The following PIK3C2A variants were observed in gnomAD, a reference collection of about 807,000 sequenced individuals.
PIK3C2A encodes the protein phosphatidylinositol 4-phosphate 3-kinase C2 domain-containing subunit alpha.
Under a neutral mutation model 204.5 loss-of-function variants are expected in PIK3C2A, and 97 were observed. The ratio of observed to expected loss-of-function variants is 0.47; its 90% CI spans 0.40 to 0.56. The LOEUF (loss-of-function observed/expected upper bound fraction) is 0.56. PIK3C2A is among the 20% of genes least tolerant of loss of function. The pLI is 0.00. For missense variants in PIK3C2A, 1,735 were observed against 1,969.2 expected (o/e 0.88, Z 2.25); for synonymous variants, 653 against 664.4 (o/e 0.98, Z 0.26).
chr11:17,098,165 T>C (rs993101779), intron 26 of PIK3C2A, among the ~76,000 whole-genome samples: 1 of 152,226 alleles, frequency 6.6e-6, no homozygotes, highest in Admixed American at 6.5e-5. Context: ...AAAAGAGAAG[T>C]GAGAGAATCT....
chr11:17,171,791 G>C (rs1263730775), intron 1 of PIK3C2A, among the ~76,000 whole-genome samples: 1 of 152,166 alleles, frequency 6.6e-6, no homozygotes, highest in African/African-American at 2.4e-5. Context: ...TTGTCGTTTA[G>C]AGATGGGGGA....
At chr11:17,132,602 T>C (rs1423504337) in intron 11 of PIK3C2A, among the ~76,000 whole-genome samples, 1 of 152,158 alleles carries the variant, frequency 6.6e-6, no homozygotes, top group Non-Finnish European at 1.5e-5. Flanking sequence ...GTGCTGGGAT[T>C]ACAGGCGTGA....
At chr11:17,195,764 G>C (rs1392811798) in intron 1 of PIK3C2A, among the ~76,000 whole-genome samples, 1 of 145,786 alleles carries the variant, frequency 6.9e-6, no homozygotes, top group Non-Finnish European at 1.5e-5. Context: ...AAGGAGCCCC[G>C]CGCGCTGGCT....
At chr11:17,183,718 A>G (rs1036203589) in intron 1 of PIK3C2A, among the ~76,000 whole-genome samples, 2 of 152,064 alleles carry the variant, frequency 1.3e-5, no homozygotes, top group African/African-American at 4.8e-5. Context: ...ATCGTAAGTT[A>G]TGTACATATA....
chr11:17,190,843 G>T (rs1042428754), intron 1 of PIK3C2A, among the ~76,000 whole-genome samples: 1 of 152,016 alleles, frequency 6.6e-6, no homozygotes, highest in African/African-American at 2.4e-5. Flanking sequence ...AAGTTCTGTG[G>T]GACAATTTCA....
At chr11:17,193,229 G>A (rs1422757722) in intron 1 of PIK3C2A, among the ~76,000 whole-genome samples, 1 of 152,050 alleles carries the variant, frequency 6.6e-6, no homozygotes, top group African/African-American at 2.4e-5. Flanking sequence ...ATCAATCTGT[G>A]GTATTGTTAC....
At chr11:17,182,736 C>G (rs1165718554) in intron 1 of PIK3C2A, among the ~76,000 whole-genome samples, 1 of 152,120 alleles carries the variant, frequency 6.6e-6, no homozygotes, top group Admixed American at 6.6e-5. Context: ...AAGACTATAA[C>G]AAACTTTATA....
chr11:17,122,217 A>T lies in PIK3C2A; in HGVS notation c.2628T>A (p.Leu876=). The change falls in exon 15 of 33, where the codon CTT becomes CTA. Residue 876 remains leucine, a synonymous_variant. Coordinates refer to ENST00000691414, the MANE Select transcript of PIK3C2A (RefSeq NM_002645.4). The stretch of plus-strand genomic sequence containing the variant: ...GTGATGAGTCTTTATGAAGAATATC[A>T]AGAAGTTTCCCTTTTATATCATTCT... ...TLENDIKGKL[L]DILHKDSSLG... 6.3e-7 allele frequency: 1 copy of T among 1,583,756 alleles called. No homozygotes were observed. Among genetic ancestry groups the T allele is most frequent in the Non-Finnish European group, 8.7e-7 (1 of 1,154,702 alleles).
chr11:17,096,194 A>ACTGGG (rs1319611307), intron 27 of PIK3C2A, among the ~76,000 whole-genome samples: 10 of 152,152 alleles, frequency 6.6e-5, no homozygotes, highest in African/African-American at 2.4e-4. Context: ...ACATGCCACC[A>ACTGGG]CATCCAGCTA....
intron 22 of PIK3C2A, among the ~76,000 whole-genome samples, chr11:17,106,896 AG>A (rs1317939794): frequency 6.6e-6 from 1 of 152,246 alleles, no homozygotes; most frequent in African/African-American, 2.4e-5. Flanking sequence ...CACTTTCGAA[AG>A]GAAGAAGAGA....
intron 1 of PIK3C2A, among the ~76,000 whole-genome samples, chr11:17,185,287 A>G (rs904835309): frequency 2.6e-5 from 4 of 152,234 alleles, no homozygotes; most frequent in Admixed American, 6.5e-5. Flanking sequence ...ATGTACAGCA[A>G]TATGTCATAA....
intron 1 of PIK3C2A, among the ~76,000 whole-genome samples, chr11:17,199,618 C>T (rs541993541): frequency 1.3e-5 from 2 of 152,246 alleles, no homozygotes; most frequent in South Asian, 2.1e-4. Context: ...TCCAATCACA[C>T]GAAAGATCTA....
chr11:17,110,832 T>C (rs1848979357), intron 21 of PIK3C2A, among the ~76,000 whole-genome samples: 1 of 152,226 alleles, frequency 6.6e-6, no homozygotes. Flanking sequence ...AACCTCTTCA[T>C]ATCTCAGTTC....
intron 25 of PIK3C2A, among the ~76,000 whole-genome samples, chr11:17,100,223 TTTTGTCTAGGCTC>T (rs1465071745): frequency 3.3e-5 from 4 of 121,696 alleles, no homozygotes; most frequent in Non-Finnish European, 4.9e-5. Flanking sequence ...CCAGATCTCC[TTTTGTCTAGGCTC>T]TTTTTTTGGG....
intron 1 of PIK3C2A, chr11:17,194,348 AC>A (rs1363972125): frequency 3.7e-6 from 1 of 270,846 alleles, no homozygotes; most frequent in East Asian, 7.4e-5. Flanking sequence ...GACTGGTGCA[AC>A]CTGCCCAGGC....
At chr11:17,141,113 AT>A in intron 8 of PIK3C2A, among the ~76,000 whole-genome samples, 1 of 152,190 alleles carries the variant, frequency 6.6e-6, no homozygotes, top group Non-Finnish European at 1.5e-5. Flanking sequence ...TGAAGCTACA[AT>A]TAGGGCTTTG....
rs779977105 is a variant in PIK3C2A, at chr11:17,122,305, A to G, written c.2540T>C (p.Ile847Thr). 1 of 1,544,220 alleles carries G rather than the reference A, an allele frequency of 6.5e-7. No individual in the cohort carries two copies. Among genetic ancestry groups the G allele is most frequent in the South Asian group, 1.1e-5 (1 of 88,804 alleles). ...QVDFPSPAFD[I>T]IYTTPQVDRS... ...GTCAACTTGAGGAGTTGTATAAATA[A>G]TATCAAATGCAGGAGAAGGAAAATC... The change falls in exon 15 of 33, where the codon ATT (isoleucine) becomes ACT (threonine). Residue 847 changes from isoleucine (I) to threonine (T), a missense_variant. Coordinates refer to ENST00000691414, the MANE Select transcript of PIK3C2A (RefSeq NM_002645.4).
rs889447427 is a variant in PIK3C2A at position 17,086,887 on chromosome 11, T to G, written c.*2851A>C. 1 of 152,174 alleles carries G rather than the reference T, an allele frequency of 6.6e-6. No individual in the cohort carries two copies. Among genetic ancestry groups the G allele is most frequent in the Non-Finnish European group, 1.5e-5 (1 of 68,022 alleles). 9.4% of individuals were successfully genotyped at this position (152,174 alleles called of 1,614,324 possible). A position where few individuals can be genotyped will look rare whatever the true frequency, so the allele number is the denominator to read the frequency against. On this transcript the variant is annotated 3_prime_UTR_variant, in exon 33 of 33. Transcript: ENST00000691414. ...CACAATATTTGAATCCTAGAAAGAA[T>G]AGGCAACTAATTTAAGGCAAGATAT...
rs184630556 is a variant in PIK3C2A, at chr11:17,186,972, A to G, written c.-65-17166T>C. On this transcript the variant is annotated intron_variant, in intron 1 of 32. Coordinates refer to ENST00000691414, the MANE Select transcript of PIK3C2A (RefSeq NM_002645.4). ...TTCGGGCCTGTAGTTCCAGCTACTC[A>G]GGAGGCTGAGGTGGGAAGATTGCTT... is the stretch of plus-strand genomic sequence containing the variant. 5.9e-5 allele frequency among the ~76,000 whole-genome samples: 9 copies of G among 152,246 alleles called. No homozygotes were observed. The East Asian group carries it at 1.5e-3, about 26-fold the overall frequency.
Sources: allele counts gnomAD v4.1 joint callset (sites outside exome capture counted in the v4.1 genomes callset), GRCh38; gene constraint gnomAD v4.1.1; transcripts MANE v1.5; gene names NCBI Gene and HGNC (gene_info 2026-07-23, HGNC 2026-07-21).